The following KCNMB2 variants were observed in gnomAD, a reference collection of about 807,000 sequenced individuals.
KCNMB2 encodes calcium-activated potassium channel subunit beta-2.
A neutral mutation model predicts 24.5 loss-of-function variants in KCNMB2; 9 were observed. The ratio of observed to expected loss-of-function variants is 0.37; its 90% confidence interval spans 0.22 to 0.64. The LOEUF (loss-of-function observed/expected upper bound fraction) is 0.64. Ranked by LOEUF, KCNMB2 falls within the 30% of genes least tolerant of loss-of-function variation. KCNMB2 has a pLI of 0.63. For synonymous variants in KCNMB2, 109 were observed against 104.4 expected, an observed-to-expected ratio of 1.04 and a Z score of -0.27; for missense variants, 226 against 284.3, an observed-to-expected ratio of 0.79 and a Z score of 1.47.
At chr3:178,597,407 C>T (rs1483475032) in intron 1 of KCNMB2, among the ~76,000 whole-genome samples, 1 of 152,084 alleles carries the variant, frequency 6.6e-6, no homozygotes, top group African/African-American at 2.4e-5. Context: ...GACACAGCCA[C>T]TGGGAAAAGT....
At chr3:178,537,045 T>A (rs1370172901) in intron 1 of KCNMB2, among the ~76,000 whole-genome samples, 1 of 152,050 alleles carries the variant, frequency 6.6e-6, no homozygotes, top group African/African-American at 2.4e-5. Flanking sequence ...ACTGGTAGGG[T>A]CGAGTGAAGA....
At chr3:178,569,386 G>A (rs912902976) in intron 1 of KCNMB2, among the ~76,000 whole-genome samples, 7 of 152,196 alleles carry the variant, frequency 4.6e-5, no homozygotes, top group African/African-American at 7.2e-5. Context: ...CTGCGGTGTA[G>A]AGGGGCGCAC....
At chr3:178,771,787 C>A (rs779560337) in intron 1 of KCNMB2, among the ~76,000 whole-genome samples, 12 of 152,264 alleles carry the variant, frequency 7.9e-5, no homozygotes, top group Middle Eastern at 3.4e-3. Flanking sequence ...AATCTACTTG[C>A]TTACCTCACC....
intron 1 of KCNMB2, among the ~76,000 whole-genome samples, chr3:178,618,678 T>G (rs901331393): frequency 3.9e-5 from 6 of 152,220 alleles, no homozygotes; most frequent in African/African-American, 1.4e-4. Context: ...TAAAAAATTC[T>G]CAATGCCCTT....
chr3:178,782,003 A>C (rs1449338587), intron 1 of KCNMB2, among the ~76,000 whole-genome samples: 10 of 119,558 alleles, frequency 8.4e-5, no homozygotes. Context: ...ATGTGATCTC[A>C]TTGTTCAATT....
At chr3:178,744,655 C>G (rs6443577) in intron 1 of KCNMB2, among the ~76,000 whole-genome samples, 73,808 of 151,406 alleles carry the variant, frequency 0.49, 18,484 homozygotes, top group African/African-American at 0.62. Context: ...CAGAGGCTCA[C>G]TGGAGCCTTC....
At chr3:178,546,875 G>A (rs1299211279) in intron 1 of KCNMB2, among the ~76,000 whole-genome samples, 1 of 152,224 alleles carries the variant, frequency 6.6e-6, no homozygotes, top group Non-Finnish European at 1.5e-5. Flanking sequence ...GAAGCCAGAT[G>A]AAAGTCTACT....
chr3:178,556,697 G>T (rs546387818), intron 1 of KCNMB2, among the ~76,000 whole-genome samples: 1 of 152,126 alleles, frequency 6.6e-6, no homozygotes, highest in Non-Finnish European at 1.5e-5. Context: ...AAGCCACCTC[G>T]CCCTGCCGAC....
intron 1 of KCNMB2, among the ~76,000 whole-genome samples, chr3:178,768,621 T>G (rs1348227655): frequency 6.6e-6 from 1 of 152,144 alleles, no homozygotes; most frequent in Non-Finnish European, 1.5e-5. Context: ...GCAGGAGGTA[T>G]GGATTTTGAA....
chr3:178,801,699 C>T (rs948413162), intron 1 of KCNMB2: 12 of 152,178 alleles, frequency 7.9e-5, no homozygotes, highest in Admixed American at 2.0e-4. Context: ...GCATTTACAA[C>T]ATTTCTCTTT....
intron 1 of KCNMB2, among the ~76,000 whole-genome samples, chr3:178,611,737 CT>C (rs904436777): frequency 2.0e-5 from 3 of 151,924 alleles, no homozygotes; most frequent in African/African-American, 7.3e-5. Context: ...AACAAAAACC[CT>C]TTTTATTGCA....
intron 1 of KCNMB2, chr3:178,746,905 C>T (rs1309019564): frequency 1.3e-5 from 2 of 152,566 alleles, no homozygotes; most frequent in Admixed American, 1.3e-4. Flanking sequence ...TTGTCAAAGC[C>T]ATTCAACAAG....
intron 1 of KCNMB2, among the ~76,000 whole-genome samples, chr3:178,758,006 T>C (rs796593528): frequency 1.3e-3 from 2 of 1,580 alleles, no homozygotes; most frequent in Non-Finnish European, 3.1e-3. Context: ...TATCTAGATA[T>C]ATATATATAT....
At chr3:178,825,796 T>C (rs1354235690) in intron 3 of KCNMB2, 38 bp downstream of exon 3, 3 of 1,524,972 alleles carry the variant, frequency 2.0e-6, no homozygotes, top group African/African-American at 1.4e-5. Context: ...GCTGTTTGTC[T>C]CCTGCTCCAT....
intron 1 of KCNMB2, among the ~76,000 whole-genome samples, chr3:178,676,921 G>A (rs373480520): frequency 3.7e-4 from 56 of 152,148 alleles, no homozygotes; most frequent in African/African-American, 6.3e-4. Context: ...CCTAATCCCC[G>A]TGTCAGATGA....
intron 2 of KCNMB2, among the ~76,000 whole-genome samples, chr3:178,814,145 C>T (rs1292587543): frequency 1.3e-5 from 2 of 151,990 alleles, no homozygotes; most frequent in Admixed American, 6.6e-5. Context: ...ACTCTTTTTT[C>T]CTCCCTCCCT....
intron 1 of KCNMB2, among the ~76,000 whole-genome samples, chr3:178,619,534 C>T (rs964056891): frequency 3.3e-5 from 5 of 152,012 alleles, no homozygotes; most frequent in Admixed American, 6.6e-5. Flanking sequence ...AATAAGACTA[C>T]CTCTAACTCA....
rs138891621 is a variant in KCNMB2, at chr3:178,777,188, C to A, written c.-67-30155C>A. ...CGGTGGCTCACGCCTGTAATCCCAG[C>A]ACTTTGGCAGGTCAAGGCAGGCAGA... is the stretch of plus-strand genomic sequence containing the variant. On this transcript the variant is annotated intron_variant, in intron 1 of 4. Transcript: ENST00000452583. Among the ~76,000 whole-genome samples the A allele has an allele frequency of 3.6e-3, 544 of 152,228 alleles. 2 individuals are homozygous for A. Among genetic ancestry groups the A allele is most frequent in the African/African-American group, 0.013 (523 of 41,536 alleles).
intron 4 of KCNMB2, among the ~76,000 whole-genome samples, chr3:178,830,289 T>C (rs548910042): frequency 6.6e-6 from 1 of 152,328 alleles, no homozygotes; most frequent in South Asian, 2.1e-4. Flanking sequence ...TTGGTTACAG[T>C]TCATTCATTT....
Sources: allele counts gnomAD v4.1 joint callset (sites outside exome capture counted in the v4.1 genomes callset), GRCh38; gene constraint gnomAD v4.1.1; transcripts MANE v1.5; gene names NCBI Gene and HGNC (gene_info 2026-07-23, HGNC 2026-07-21).